Variants in ASIC2 observed in about 807,000 individuals in gnomAD.
ASIC2 encodes acid-sensing ion channel 2.
In ASIC2, 25 loss-of-function variants were observed where a neutral mutation model predicts 57.3. The ratio of observed to expected loss-of-function variants is 0.44; its 90% confidence interval spans 0.32 to 0.61. ASIC2 has a LOEUF of 0.61. Among genes scored for constraint, ASIC2 ranks in the 20% least tolerant of loss-of-function variants. The pLI is 0.06. For missense variants in ASIC2, 641 were observed against 738.1 expected (o/e 0.87, Z 1.52); for synonymous variants, 319 against 307.5 (o/e 1.04, Z -0.39).
intron 1 of ASIC2, among the ~76,000 whole-genome samples, chr17:33,623,242 T>TTGTTTGTTTG (rs1555547986): frequency 4.1e-5 from 3 of 73,886 alleles, no homozygotes; most frequent in Admixed American, 3.4e-4. Flanking sequence ...TATCGTTTTT[T>TTGTTTGTTTG]TTTGTTTGTT....
intron 1 of ASIC2, among the ~76,000 whole-genome samples, chr17:33,867,615 G>A (rs951681318): frequency 6.6e-6 from 1 of 152,208 alleles, no homozygotes; most frequent in Non-Finnish European, 1.5e-5. Flanking sequence ...GGACACAAGG[G>A]AAAGACTGCC....
intron 1 of ASIC2, among the ~76,000 whole-genome samples, chr17:33,878,993 T>C (rs1914627456): frequency 6.6e-6 from 1 of 152,186 alleles, no homozygotes; most frequent in Non-Finnish European, 1.5e-5. Flanking sequence ...CAGAATTTCA[T>C]ATCCAGCCAA....
At chr17:34,118,895 T>C (rs1002000558) in intron 1 of ASIC2, 1 of 152,328 alleles carries the variant, frequency 6.6e-6, no homozygotes, top group African/African-American at 2.4e-5. Context: ...GAATCAGTCC[T>C]GCCCTGGCTG....
intron 1 of ASIC2, among the ~76,000 whole-genome samples, chr17:33,155,032 C>T (rs891373893): frequency 2.6e-5 from 4 of 152,192 alleles, no homozygotes; most frequent in Admixed American, 2.6e-4. Context: ...TTGGCGGCGG[C>T]GGCAGCGTCT....
At chr17:33,277,366 T>TACC (rs1354552090) in intron 1 of ASIC2, among the ~76,000 whole-genome samples, 1 of 152,190 alleles carries the variant, frequency 6.6e-6, no homozygotes, top group African/African-American at 2.4e-5. Context: ...CTGGCTTTGG[T>TACC]ACCAGCTGGG....
chr17:33,747,222 CTT>C (rs61564362), intron 1 of ASIC2, among the ~76,000 whole-genome samples: 7 of 116,784 alleles, frequency 6.0e-5, no homozygotes, highest in African/African-American at 1.0e-4. Context: ...ATCCAGCCGT[CTT>C]TTTTTTTTTT....
At chr17:33,260,509 T>C (rs1024968718) in intron 1 of ASIC2, among the ~76,000 whole-genome samples, 3 of 152,208 alleles carry the variant, frequency 2.0e-5, no homozygotes, top group Non-Finnish European at 2.9e-5. Flanking sequence ...TTTTTTTCCC[T>C]GCTGAACCTC....
chr17:33,849,007 T>G (rs1379696367), intron 1 of ASIC2, among the ~76,000 whole-genome samples: 1 of 152,238 alleles, frequency 6.6e-6, no homozygotes, highest in Non-Finnish European at 1.5e-5. Flanking sequence ...GCCTACTGGC[T>G]GATTTCTGTA....
At chr17:33,136,495 G>T (rs1281064788) in intron 1 of ASIC2, among the ~76,000 whole-genome samples, 2 of 152,230 alleles carry the variant, frequency 1.3e-5, no homozygotes, top group African/African-American at 2.4e-5. Context: ...CTGTGTGCAT[G>T]TGTTTTGTGT....
intron 1 of ASIC2, among the ~76,000 whole-genome samples, chr17:33,544,338 C>G (rs531958507): frequency 2.6e-5 from 4 of 152,286 alleles, no homozygotes; most frequent in Non-Finnish European, 5.9e-5. Context: ...ATGAATGAAG[C>G]TGCTATGAAC....
At chr17:33,881,387 T>C (rs1312515471) in intron 1 of ASIC2, among the ~76,000 whole-genome samples, 3 of 152,208 alleles carry the variant, frequency 2.0e-5, no homozygotes, top group Non-Finnish European at 4.4e-5. Context: ...AAAATCTCCT[T>C]AAACTGATAG....
At chr17:33,992,691 C>T (rs1298403062) in intron 1 of ASIC2, among the ~76,000 whole-genome samples, 3 of 152,184 alleles carry the variant, frequency 2.0e-5, no homozygotes, top group Non-Finnish European at 4.4e-5. Context: ...ATATTTATAA[C>T]AGAGAAATCG....
chr17:33,236,934 T>C (rs558972847), intron 1 of ASIC2, among the ~76,000 whole-genome samples: 15 of 152,228 alleles, frequency 9.9e-5, no homozygotes, highest in African/African-American at 3.6e-4. Context: ...CACCAAAATG[T>C]GAGACAATAA....
chr17:33,203,850 A>T (rs1175873897), intron 1 of ASIC2, among the ~76,000 whole-genome samples: 1 of 152,210 alleles, frequency 6.6e-6, no homozygotes, highest in Non-Finnish European at 1.5e-5. Flanking sequence ...GGTTTTCACA[A>T]TGTGACTGCC....
At chr17:33,017,737 G>A (rs2091814526) in intron 7 of ASIC2, 53 bp from the exon 8 acceptor site, 1 of 1,540,708 alleles carries the variant, frequency 6.5e-7, no homozygotes, top group African/African-American at 1.4e-5. Context: ...CTTCCAGGAA[G>A]GGTGAACAGA....
At chr17:33,390,425 G>A (rs1036098393) in intron 1 of ASIC2, among the ~76,000 whole-genome samples, 12 of 152,098 alleles carry the variant, frequency 7.9e-5, no homozygotes, top group African/African-American at 2.9e-4. Context: ...CATGTAGTTA[G>A]TAATTATATA....
intron 1 of ASIC2, among the ~76,000 whole-genome samples, chr17:33,835,411 C>G (rs1215243334): frequency 2.6e-5 from 4 of 152,214 alleles, no homozygotes; most frequent in African/African-American, 9.7e-5. Flanking sequence ...GCTCAAAGAG[C>G]TCAAATCTTG....
At chr17:33,658,958 G>C (rs536312575) in intron 1 of ASIC2, among the ~76,000 whole-genome samples, 1 of 152,106 alleles carries the variant, frequency 6.6e-6, no homozygotes, top group Non-Finnish European at 1.5e-5. Flanking sequence ...AGCTGAGATC[G>C]CGCCACTGCA....
chr17:33,482,876 A>G (rs1267324968), intron 1 of ASIC2, among the ~76,000 whole-genome samples: 1 of 152,238 alleles, frequency 6.6e-6, no homozygotes, highest in Non-Finnish European at 1.5e-5. Flanking sequence ...CAGATGGTGG[A>G]AACACACCGC....
Sources: allele counts gnomAD v4.1 joint callset (sites outside exome capture counted in the v4.1 genomes callset), GRCh38; gene constraint gnomAD v4.1.1; transcripts MANE v1.5; gene names NCBI Gene and HGNC (gene_info 2026-07-23, HGNC 2026-07-21).